MREG: variants seen among roughly 807,000 people sequenced by gnomAD.
MREG encodes melanoregulin, also known as dilute suppressor protein homolog.
In MREG, 31 loss-of-function variants were observed where a neutral mutation model predicts 28.5. The ratio of observed to expected loss-of-function variants is 1.09; its 90% CI spans 0.82 to 1.47. The LOEUF is 1.47. Ranked by LOEUF, MREG falls within the 40% of genes most tolerant of loss-of-function variation. MREG has a pLI of 0.00. For missense variants in MREG, 256 were observed against 257.4 expected, an observed-to-expected ratio of 0.99 and a Z score of 0.04; for synonymous variants, 106 against 95.2, an observed-to-expected ratio of 1.11 and a Z score of -0.66.
intron 1 of MREG, among the ~76,000 whole-genome samples, chr2:216,010,357 T>TTTTTC (rs1181211587): frequency 7.5e-6 from 1 of 132,932 alleles, no homozygotes; most frequent in East Asian, 2.1e-4. Context: ...GATTTCTCTT[T>TTTTTC]TTTTTTTTTT....
intron 1 of MREG, 141 bp downstream of exon 1, chr2:216,013,092 C>A: frequency 1.5e-6 from 1 of 679,888 alleles, no homozygotes. Flanking sequence ...CCATAAGGAA[C>A]CAAGGGGCTG....
At chr2:215,997,922 G>A (rs980236408) in intron 1 of MREG, among the ~76,000 whole-genome samples, 1 of 152,194 alleles carries the variant, frequency 6.6e-6, no homozygotes, top group Non-Finnish European at 1.5e-5. Flanking sequence ...CCAGATTGGG[G>A]TTCAGCAGCA....
At chr2:215,995,808 A>C (rs1693857313) in intron 2 of MREG, among the ~76,000 whole-genome samples, 1 of 152,188 alleles carries the variant, frequency 6.6e-6, no homozygotes, top group Non-Finnish European at 1.5e-5. Context: ...AAGGCTTATC[A>C]CAAGAAGTAT....
At chr2:216,030,653 G>GC (rs1313161224) in intron 1 of MREG, among the ~76,000 whole-genome samples, 1 of 151,222 alleles carries the variant, frequency 6.6e-6, no homozygotes, top group African/African-American at 2.4e-5. Context: ...AGCGATTCTT[G>GC]TGCCTCAGCC....
At chr2:215,979,112 A>C (rs140233915) in intron 2 of MREG, among the ~76,000 whole-genome samples, 9 of 152,312 alleles carry the variant, frequency 5.9e-5, no homozygotes, top group African/African-American at 2.2e-4. Context: ...GCTGGATGCT[A>C]TCTTACATTT....
chr2:216,016,287 C>A (rs950814289), upstream of MREG, among the ~76,000 whole-genome samples: 6 of 152,160 alleles, frequency 3.9e-5, no homozygotes, highest in Admixed American at 3.9e-4. Context: ...GCTGGAAAAT[C>A]CCCTGGTAAA....
intron 2 of MREG, among the ~76,000 whole-genome samples, chr2:215,985,597 A>G (rs889288737): frequency 6.6e-6 from 1 of 151,952 alleles, no homozygotes; most frequent in Non-Finnish European, 1.5e-5. Flanking sequence ...TCTTCTATAT[A>G]TATTTTTTTC....
intron 2 of MREG, among the ~76,000 whole-genome samples, chr2:215,947,962 T>C (rs1403155135): frequency 1.3e-5 from 2 of 152,232 alleles, no homozygotes; most frequent in South Asian, 2.1e-4. Context: ...CTTGTCACTA[T>C]AGAGCAGTCA....
intron 1 of MREG, among the ~76,000 whole-genome samples, chr2:216,030,079 C>T (rs1450553858): frequency 6.6e-6 from 1 of 152,000 alleles, no homozygotes; most frequent in Non-Finnish European, 1.5e-5. Flanking sequence ...TCTGAAATGA[C>T]AGGTTAAAAG....
intron 1 of MREG, among the ~76,000 whole-genome samples, chr2:215,997,602 C>T (rs1376477597): frequency 3.3e-5 from 5 of 152,188 alleles, no homozygotes. Flanking sequence ...ATGGGAAACA[C>T]ATTAATGAAT....
chr2:215,991,773 T>A (rs1693727479), intron 2 of MREG, among the ~76,000 whole-genome samples: 1 of 152,126 alleles, frequency 6.6e-6, no homozygotes, highest in African/African-American at 2.4e-5. Flanking sequence ...AACACCTCTA[T>A]GCAAATAAAC....
At chr2:216,024,456 A>T (rs916756352) in intron 1 of MREG, among the ~76,000 whole-genome samples, 1 of 152,086 alleles carries the variant, frequency 6.6e-6, no homozygotes, top group Non-Finnish European at 1.5e-5. Flanking sequence ...TCTCAAAAAA[A>T]AAAAAGGACG....
At chr2:215,939,562 G>A (rs532419421), downstream of MREG, 14 of 152,258 alleles carry the variant, frequency 9.2e-5, no homozygotes, top group Non-Finnish European at 1.3e-4. Flanking sequence ...ACAACATATC[G>A]TCAGGTGTGT....
chr2:216,001,966 G>C (rs1011416109), intron 1 of MREG, among the ~76,000 whole-genome samples: 23 of 152,094 alleles, frequency 1.5e-4, no homozygotes, highest in Admixed American at 3.3e-4. Context: ...TGGGGGTCTG[G>C]GCCTGAAAAC....
intron 2 of MREG, among the ~76,000 whole-genome samples, chr2:215,991,275 C>T (rs993778519): frequency 6.6e-6 from 1 of 152,122 alleles, no homozygotes; most frequent in South Asian, 2.1e-4. Context: ...ACTGAACAAC[C>T]TGTTGTTTAA....
intron 2 of MREG, among the ~76,000 whole-genome samples, chr2:215,964,876 T>TAGAC (rs1419707532): frequency 3.5e-5 from 3 of 84,908 alleles, no homozygotes; most frequent in African/African-American, 8.8e-5. Flanking sequence ...GATAGATAGA[T>TAGAC]AGATAGACAG....
intron 1 of MREG, 137 bp from the exon 2 acceptor site, chr2:215,996,602 G>A (rs1693882022): frequency 1.6e-6 from 1 of 632,372 alleles, no homozygotes; most frequent in African/African-American, 1.9e-5. Flanking sequence ...GGTCTGAATT[G>A]TCTTTAATAA....
intron 4 of MREG, 46 bp downstream of exon 4, chr2:215,945,525 G>C (rs1559172192): frequency 6.3e-7 from 1 of 1,589,492 alleles, no homozygotes; most frequent in African/African-American, 1.4e-5. Context: ...AAAAAGCCAA[G>C]CAATTAAAGC....
rs1194827809 is a variant in MREG, at chr2:215,995,504, A to ACC, written c.255+800_255+801dup. Among the ~76,000 whole-genome samples the ACC allele has an allele frequency of 2.6e-3, 322 of 122,326 alleles. 4 individuals carry two copies. Among genetic ancestry groups the ACC allele is most frequent in the African/African-American group, 0.011 (308 of 27,364 alleles). 80.3% of individuals were successfully genotyped at this position (122,326 alleles called of 152,430 possible). On this transcript the variant is annotated intron_variant, in intron 2 of 4. Coordinates refer to ENST00000263268, the MANE Select transcript of MREG (RefSeq NM_018000.3). ...GACAAGCTCCACAGCACCTCCACCC[A>ACC]CCCCACCCCCCGCCACCAATATACA... is the stretch of plus-strand genomic sequence containing the variant.
Sources: allele counts gnomAD v4.1 joint callset (sites outside exome capture counted in the v4.1 genomes callset), GRCh38; gene constraint gnomAD v4.1.1; transcripts MANE v1.5; gene names NCBI Gene and HGNC (gene_info 2026-07-23, HGNC 2026-07-21).